Variants in C3orf20 observed in about 807,000 individuals in gnomAD.
The protein encoded by C3orf20 is family with sequence similarity 149 member C.
C3orf20 carries 76 observed loss-of-function variants against 88.3 expected under a neutral mutation model. The observed-to-expected ratio is 0.86, with a 90% CI of 0.72 to 1.04. The LOEUF (loss-of-function observed/expected upper bound fraction) is 1.04. Ranked by LOEUF, C3orf20 falls within the 50% of genes least tolerant of loss-of-function variation. The pLI, the probability that C3orf20 is intolerant of heterozygous loss-of-function variation, is 0.00. For synonymous variants in C3orf20, 436 were observed against 437.4 expected (o/e 1.00, Z 0.04); for missense variants, 1,056 against 1,123.3 (o/e 0.94, Z 0.86).
chr3:14,763,977 C>G (rs1960958), intron 15 of C3orf20, among the ~76,000 whole-genome samples: 1,600 of 152,252 alleles, frequency 0.011, 33 homozygotes, highest in African/African-American at 0.037. Flanking sequence ...AATCAGAAAA[C>G]TAGACACACA....
At chr3:14,706,992 G>A (rs1342811384) in intron 7 of C3orf20, among the ~76,000 whole-genome samples, 1 of 152,076 alleles carries the variant, frequency 6.6e-6, no homozygotes, top group Non-Finnish European at 1.5e-5. Flanking sequence ...GCTCGTGCCT[G>A]TAATCCCAGC....
At chr3:14,699,576 C>T (rs192735913) in intron 5 of C3orf20, among the ~76,000 whole-genome samples, 1 of 152,360 alleles carries the variant, frequency 6.6e-6, no homozygotes, top group Non-Finnish European at 1.5e-5. Context: ...ATGGGGGCCT[C>T]ATGACGCTAA....
rs1247412665 is a variant in C3orf20, at chr3:14,714,175, G to C, written c.1313+16G>C. ...TAAAAACCAGGTAAGTGGACTGGGA[G>C]AGTACTAGTCACACGGAAGTACCTC... is the stretch of plus-strand genomic sequence containing the variant. On this transcript the variant is annotated intron_variant, in intron 8 of 16. Transcript: ENST00000253697. 2 of 1,612,614 alleles carry C rather than the reference G, an allele frequency of 1.2e-6. No homozygotes were observed. Among genetic ancestry groups the C allele is most frequent in the Admixed American group, 1.7e-5 (1 of 59,972 alleles).
At chr3:14,714,358 C>G (rs892638000) in intron 8 of C3orf20, among the ~76,000 whole-genome samples, 199 bp downstream of exon 8, 1 of 152,132 alleles carries the variant, frequency 6.6e-6, no homozygotes, top group African/African-American at 2.4e-5. Context: ...CTTGCTGTAT[C>G]TATGTCACAG....
chr3:14,732,871 T>TTATATTAACTATACCTTATATATA (rs149886910), intron 12 of C3orf20, among the ~76,000 whole-genome samples: 5 of 151,958 alleles, frequency 3.3e-5, no homozygotes, highest in Non-Finnish European at 2.9e-5. Flanking sequence ...GAGTTAATTT[T>TTATATTAACTATACCTTATATATA]TATATAAGGT....
intron 9 of C3orf20, among the ~76,000 whole-genome samples, 179 bp from the exon 10 acceptor site, chr3:14,721,474 G>A (rs1432390706): frequency 6.6e-6 from 1 of 152,216 alleles, no homozygotes; most frequent in Non-Finnish European, 1.5e-5. Context: ...TGGGCCCCCA[G>A]GGAAACCTGG....
chr3:14,725,057 G>A (rs911582313), intron 10 of C3orf20, among the ~76,000 whole-genome samples: 3 of 152,180 alleles, frequency 2.0e-5, no homozygotes, highest in Non-Finnish European at 4.4e-5. Flanking sequence ...AAAGTGTTCC[G>A]ATCATAACCT....
chr3:14,728,716 A>G (rs1409956358), intron 12 of C3orf20, 28 bp downstream of exon 12: 2 of 1,607,356 alleles, frequency 1.2e-6, no homozygotes, highest in South Asian at 1.1e-5. Context: ...CGTCTTCCGC[A>G]GCATCGGGTG....
At chr3:14,719,377 C>T (rs755138035) in intron 9 of C3orf20, among the ~76,000 whole-genome samples, 5 of 152,014 alleles carry the variant, frequency 3.3e-5, no homozygotes, top group Non-Finnish European at 5.9e-5. Context: ...TTAAAGGGGT[C>T]ATTTCAATAA....
intron 10 of C3orf20, chr3:14,722,090 A>G: frequency 6.2e-6 from 2 of 324,536 alleles, no homozygotes; most frequent in South Asian, 3.8e-5. Flanking sequence ...GCATGGCTGG[A>G]TCCAGGCCCT....
At position 14,701,700 on chromosome 3, in the gene C3orf20, A is replaced by G. The variant is rs907759843; in HGVS notation, c.746-1430A>G. 1.3e-5 allele frequency among the ~76,000 whole-genome samples: 2 copies of G among 152,122 alleles called. No individual in the cohort carries two copies. The highest frequency in any genetic ancestry group is 6.5e-5 in the Admixed American group (1 of 15,272). ...ACCCAAGATTAGCCATCATCAGAGA[A>G]GTTTTCAAGCTGATTGAGAAGAAAT... On this transcript the variant is annotated intron_variant, in intron 5 of 16. Transcript: ENST00000253697. The surrounding 1 kb of genome is among the most constrained non-coding windows in gnomAD (Gnocchi z 4.6).
At chr3:14,724,603 A>G (rs2034284252) in intron 10 of C3orf20, among the ~76,000 whole-genome samples, 1 of 152,240 alleles carries the variant, frequency 6.6e-6, no homozygotes, top group East Asian at 1.9e-4. Flanking sequence ...GGAAACACAC[A>G]CTGCATTTCA....
At chr3:14,771,985 C>A in intron 15 of C3orf20, 82 bp from the exon 16 acceptor site, 1 of 1,557,998 alleles carries the variant, frequency 6.4e-7, no homozygotes, top group Non-Finnish European at 8.8e-7. Context: ...CCTTGTCTGT[C>A]CAGGCTCCCA....
At chr3:14,742,916 C>T (rs1171641776) in intron 12 of C3orf20, among the ~76,000 whole-genome samples, 1 of 152,130 alleles carries the variant, frequency 6.6e-6, no homozygotes, top group Admixed American at 6.5e-5. Context: ...ATTCAATTAC[C>T]TCCCCACTGG....
intron 3 of C3orf20, among the ~76,000 whole-genome samples, chr3:14,683,704 TG>T (rs1474753948): frequency 6.6e-6 from 1 of 151,742 alleles, no homozygotes; most frequent in Non-Finnish European, 1.5e-5. Flanking sequence ...GGTGAAACCC[TG>T]ACTCTACTAA....
At chr3:14,764,638 G>A (rs2035653133) in intron 15 of C3orf20, among the ~76,000 whole-genome samples, 1 of 151,936 alleles carries the variant, frequency 6.6e-6, no homozygotes, top group Non-Finnish European at 1.5e-5. Context: ...AAGTTGTCTG[G>A]GGCTAAGTCA....
chr3:14,728,234 A>C (rs6795810), intron 11 of C3orf20, among the ~76,000 whole-genome samples: 67,150 of 151,866 alleles, frequency 0.44, 15,029 homozygotes, highest in South Asian at 0.47. Flanking sequence ...TTCTTACAAC[A>C]CAACATTTGG....
rs1216962821 is a variant in C3orf20, at chr3:14,728,637, G to A, written c.1889G>A (p.Ser630Asn). Residue 630 changes from serine to asparagine, a missense_variant, in exon 12 of 17, where the codon AGC becomes AAC. Ser to Asn is a conservative substitution (Grantham distance 46). Transcript: ENST00000253697. ...GATGAGCCTGAGTCTGCTCCTGTGA[G>A]CCCAGTTCGGAAGACCACCAAAATC... is the stretch of plus-strand genomic sequence containing the variant. ...LKDEPESAPV[S>N]PVRKTTKIHT... 1 of 1,611,534 alleles carries A rather than the reference G, an allele frequency of 6.2e-7. No homozygotes were observed.
chr3:14,677,261 T>C (rs571618854), intron 1 of C3orf20, among the ~76,000 whole-genome samples: 1 of 152,194 alleles, frequency 6.6e-6, no homozygotes, highest in Non-Finnish European at 1.5e-5. Flanking sequence ...AAATGTGTTC[T>C]GAATCAGTGC....
Sources: allele counts gnomAD v4.1 joint callset (sites outside exome capture counted in the v4.1 genomes callset), GRCh38; gene constraint gnomAD v4.1.1; non-coding constraint Gnocchi (gnomAD v3.1); transcripts MANE v1.5; gene names NCBI Gene and HGNC (gene_info 2026-07-23, HGNC 2026-07-21).